NCK2: variants seen among roughly 807,000 people sequenced by gnomAD.
The protein encoded by NCK2 is NCK adaptor protein 2.
In NCK2, 16 loss-of-function variants were observed where a neutral mutation model predicts 33.9. The observed-to-expected ratio is 0.47, with a 90% CI of 0.32 to 0.72. The LOEUF is 0.72. NCK2 is among the 30% of genes least tolerant of loss of function. The probability of loss-of-function intolerance (pLI) is 0.03; values close to 1 mark genes in which losing one functional copy is unlikely to be tolerated. For synonymous variants in NCK2, 273 were observed against 239.9 expected (o/e 1.14, Z -1.27); for missense variants, 418 against 537.3 (o/e 0.78, Z 2.19).
At chr2:105,748,361 A>G (rs182079719) in intron 1 of NCK2, among the ~76,000 whole-genome samples, 242 of 152,116 alleles carry the variant, frequency 1.6e-3, no homozygotes, top group Non-Finnish European at 2.5e-3. Flanking sequence ...CTGATTTGTC[A>G]TCTGTGACAT....
intron 4 of NCK2, among the ~76,000 whole-genome samples, chr2:105,890,693 C>T (rs1420810218): frequency 6.6e-6 from 1 of 152,238 alleles, no homozygotes; most frequent in East Asian, 1.9e-4. Flanking sequence ...TTTCTGTTAA[C>T]AGCTATGGCT....
chr2:105,754,359 C>T (rs951638763), intron 1 of NCK2, among the ~76,000 whole-genome samples: 1 of 152,190 alleles, frequency 6.6e-6, no homozygotes, highest in South Asian at 2.1e-4. Flanking sequence ...CCTAGAAAGA[C>T]GCCCATGCCC....
At chr2:105,852,729 C>T (rs1311533847) in intron 2 of NCK2, among the ~76,000 whole-genome samples, 1 of 152,102 alleles carries the variant, frequency 6.6e-6, no homozygotes, top group Non-Finnish European at 1.5e-5. Flanking sequence ...TGCTATTGCT[C>T]TTCTTCTTGT....
intron 3 of NCK2, among the ~76,000 whole-genome samples, chr2:105,866,134 G>T (rs1213850431): frequency 6.6e-6 from 1 of 152,224 alleles, no homozygotes; most frequent in East Asian, 1.9e-4. Context: ...GGCTGGTCTC[G>T]AACTCCTGAC....
At chr2:105,853,001 A>T (rs545195033) in intron 2 of NCK2, among the ~76,000 whole-genome samples, 131 of 152,262 alleles carry the variant, frequency 8.6e-4, no homozygotes, top group Middle Eastern at 6.8e-3. Flanking sequence ...TTATAAAAAA[A>T]TTTTTTTAGC....
intron 3 of NCK2, among the ~76,000 whole-genome samples, chr2:105,869,372 A>G (rs1484150143): frequency 1.3e-5 from 2 of 152,272 alleles, no homozygotes; most frequent in East Asian, 3.9e-4. Context: ...ATCCTCAGTT[A>G]CTGGGCCCTC....
chr2:105,821,281 G>A lies in NCK2; in HGVS notation c.-17+4668G>A, dbSNP rs147314115. 7.2e-4 allele frequency among the ~76,000 whole-genome samples: 110 copies of A among 152,236 alleles called. No individual in the cohort carries two copies. The East Asian group carries it at 0.013, about 17-fold the overall frequency. ...GGTTATTTAGAAAGATTTTTTACACGCAAAGCCCAGTGCTCAGTCATTAAG... is the reference window on the plus strand; with the variant it reads ...GGTTATTTAGAAAGATTTTTTACACACAAAGCCCAGTGCTCAGTCATTAAG... On this transcript the variant is annotated intron_variant, in intron 2 of 4. Transcript: ENST00000233154.
chr2:105,784,698 A>G (rs757793720), intron 1 of NCK2, among the ~76,000 whole-genome samples: 1 of 152,360 alleles, frequency 6.6e-6, no homozygotes, highest in Non-Finnish European at 1.5e-5. Flanking sequence ...AGTGAAAACT[A>G]TAACACCATC....
intron 1 of NCK2, among the ~76,000 whole-genome samples, chr2:105,764,154 C>T (rs576415003): frequency 6.6e-6 from 1 of 152,340 alleles, no homozygotes; most frequent in Admixed American, 6.5e-5. Context: ...TGGGTGCATG[C>T]TGTTTGCACG....
At chr2:105,825,249 T>A (rs548517401) in intron 2 of NCK2, among the ~76,000 whole-genome samples, 1 of 152,326 alleles carries the variant, frequency 6.6e-6, no homozygotes, top group South Asian at 2.1e-4. Context: ...CCTGGGCATC[T>A]GTGCTGTTAA....
chr2:105,882,081 A>G, intron 4 of NCK2, 32 bp downstream of exon 4: 1 of 1,480,714 alleles, frequency 6.8e-7, no homozygotes, highest in Non-Finnish European at 9.0e-7. Flanking sequence ...CTCCGGCTGC[A>G]GGCAGTAAAT....
At chr2:105,841,787 G>A (rs138917280) in intron 2 of NCK2, among the ~76,000 whole-genome samples, 1 of 152,338 alleles carries the variant, frequency 6.6e-6, no homozygotes, top group East Asian at 1.9e-4. Flanking sequence ...ATGGGAAGAT[G>A]ACCAAATGTG....
At chr2:105,817,339 C>T (rs1675532780) in intron 2 of NCK2, among the ~76,000 whole-genome samples, 1 of 152,170 alleles carries the variant, frequency 6.6e-6, no homozygotes, top group South Asian at 2.1e-4. Context: ...TCACCACAGG[C>T]ACCAGACAAA....
chr2:105,883,752 A>C (rs916619470), intron 4 of NCK2, among the ~76,000 whole-genome samples: 11 of 152,216 alleles, frequency 7.2e-5, no homozygotes, highest in Non-Finnish European at 1.3e-4. Context: ...TTATATTGTT[A>C]GAGAATGAGC....
intron 1 of NCK2, among the ~76,000 whole-genome samples, chr2:105,761,267 G>A (rs1223211909): frequency 2.0e-5 from 3 of 152,212 alleles, no homozygotes; most frequent in Non-Finnish European, 4.4e-5. Flanking sequence ...CGTGGGGAGG[G>A]TCTTGAAGTG....
intron 2 of NCK2, among the ~76,000 whole-genome samples, chr2:105,841,440 G>A (rs1266689446): frequency 6.6e-6 from 1 of 152,172 alleles, no homozygotes; most frequent in Non-Finnish European, 1.5e-5. Flanking sequence ...GTAGGGTGAG[G>A]TACAGGGGAA....
At chr2:105,861,601 A>C (rs1459631435) in intron 3 of NCK2, among the ~76,000 whole-genome samples, 1 of 139,324 alleles carries the variant, frequency 7.2e-6, no homozygotes, top group African/African-American at 2.7e-5. Context: ...TGCAACCTCC[A>C]CCTCCCAGGT....
intron 2 of NCK2, among the ~76,000 whole-genome samples, chr2:105,818,195 G>A (rs1456122052): frequency 6.9e-6 from 1 of 145,080 alleles, no homozygotes; most frequent in Non-Finnish European, 1.5e-5. Context: ...ACCAAACACT[G>A]CATGTTCTAA....
intron 2 of NCK2, chr2:105,847,380 T>C (rs1489747927): frequency 6.6e-6 from 1 of 152,184 alleles, no homozygotes; most frequent in African/African-American, 2.4e-5. Context: ...ATCACAACTT[T>C]GTAGAAAAGA....
Sources: allele counts gnomAD v4.1 joint callset (sites outside exome capture counted in the v4.1 genomes callset), GRCh38; gene constraint gnomAD v4.1.1; transcripts MANE v1.5; gene names NCBI Gene and HGNC (gene_info 2026-07-23, HGNC 2026-07-21).